STIM1: variants seen among roughly 807,000 people sequenced by gnomAD.
The protein encoded by STIM1 is stromal interaction molecule 1.
In STIM1, 25 loss-of-function variants were observed where a neutral mutation model predicts 74.7. The ratio of observed to expected loss-of-function variants is 0.33; its 90% confidence interval spans 0.24 to 0.47. The LOEUF is 0.47. Ranked by LOEUF, STIM1 falls within the 20% of genes least tolerant of loss-of-function variation. The pLI is 1.00. For synonymous variants in STIM1, 328 were observed against 348.8 expected, an observed-to-expected ratio of 0.94 and a Z score of 0.66; for missense variants, 728 against 920.8, an observed-to-expected ratio of 0.79 and a Z score of 2.71.
intron 1 of STIM1, among the ~76,000 whole-genome samples, chr11:3,881,519 C>T (rs185375941): frequency 6.7e-4 from 102 of 151,850 alleles, no homozygotes; most frequent in Non-Finnish European, 1.2e-3. Flanking sequence ...TACAGGTGCC[C>T]GCCACAGCAC....
chr11:3,970,994 A>G (rs1407070280), intron 2 of STIM1, among the ~76,000 whole-genome samples: 1 of 152,210 alleles, frequency 6.6e-6, no homozygotes, highest in African/African-American at 2.4e-5. Flanking sequence ...CCAGAGTAAA[A>G]TGGGTCACAA....
chr11:3,869,530 C>G (rs555134232), intron 1 of STIM1, among the ~76,000 whole-genome samples: 69 of 152,098 alleles, frequency 4.5e-4, no homozygotes, highest in African/African-American at 2.7e-4. Flanking sequence ...GGGAAGTATT[C>G]CAGTCATAGG....
intron 1 of STIM1, among the ~76,000 whole-genome samples, chr11:3,936,569 G>A (rs537664305): frequency 5.3e-5 from 8 of 152,264 alleles, no homozygotes; most frequent in African/African-American, 1.9e-4. Flanking sequence ...GTATGATATA[G>A]TATCTGAAAA....
chr11:4,050,278 AG>A (rs1194082650), intron 3 of STIM1, among the ~76,000 whole-genome samples: 2 of 152,214 alleles, frequency 1.3e-5, no homozygotes, highest in East Asian at 3.8e-4. Context: ...ATTAGCTGAG[AG>A]CAAGGGAGGA....
intron 2 of STIM1, among the ~76,000 whole-genome samples, chr11:3,979,036 G>T (rs192320689): frequency 1.8e-3 from 277 of 152,288 alleles, no homozygotes; most frequent in Admixed American, 3.7e-3. Context: ...CAGTCAGCAG[G>T]TTCACTTGCA....
intron 1 of STIM1, among the ~76,000 whole-genome samples, chr11:3,872,891 C>G (rs1217377971): frequency 6.6e-6 from 1 of 151,856 alleles, no homozygotes; most frequent in Non-Finnish European, 1.5e-5. Flanking sequence ...CTCAAAGTCA[C>G]TTCCATTTCT....
intron 10 of STIM1, 61 bp downstream of exon 10, chr11:4,083,559 G>A (rs1565171184): frequency 2.6e-6 from 4 of 1,509,518 alleles, no homozygotes; most frequent in Middle Eastern, 3.4e-4. Context: ...TGAGAAGTCT[G>A]TGGCCTCTGT....
chr11:3,955,759 T>A (rs1470610093), intron 1 of STIM1, among the ~76,000 whole-genome samples: 5 of 152,020 alleles, frequency 3.3e-5, no homozygotes, highest in Admixed American at 6.5e-5. Context: ...GGCCTGGGCA[T>A]CAGCAATTTA....
intron 1 of STIM1, among the ~76,000 whole-genome samples, chr11:3,875,649 C>CT (rs982113316): frequency 5.3e-5 from 8 of 151,394 alleles, no homozygotes; most frequent in Non-Finnish European, 1.2e-4. Context: ...TTGCTTGAGC[C>CT]TGGGAGGCCG....
At chr11:3,923,308 A>G (rs1422314081) in intron 1 of STIM1, among the ~76,000 whole-genome samples, 2 of 151,986 alleles carry the variant, frequency 1.3e-5, no homozygotes, top group African/African-American at 4.8e-5. Context: ...AACACCATTT[A>G]TTGAAAAGAT....
chr11:3,982,474 A>G (rs114205170), intron 2 of STIM1, among the ~76,000 whole-genome samples: 2,422 of 152,276 alleles, frequency 0.016, 70 homozygotes, highest in African/African-American at 0.056. Context: ...TAGTAGCAGT[A>G]TTTCTACTTC....
At chr11:3,908,070 AC>A (rs1444103629) in intron 1 of STIM1, among the ~76,000 whole-genome samples, 1 of 152,048 alleles carries the variant, frequency 6.6e-6, no homozygotes, top group Non-Finnish European at 1.5e-5. Flanking sequence ...CAGGCCTTTC[AC>A]CTTGCACCCC....
chr11:3,878,764 T>C (rs985257246), intron 1 of STIM1, among the ~76,000 whole-genome samples: 1 of 152,288 alleles, frequency 6.6e-6, no homozygotes, highest in South Asian at 2.1e-4. Context: ...ATGCTTGCTG[T>C]AAAATCTAGC....
intron 2 of STIM1, among the ~76,000 whole-genome samples, chr11:3,999,014 T>C (rs546162207): frequency 5.9e-4 from 90 of 152,316 alleles, no homozygotes; most frequent in African/African-American, 2.0e-3. Context: ...ACAGAAAATA[T>C]ACATCAATGC....
At chr11:4,076,794 T>C in intron 7 of STIM1, among the ~76,000 whole-genome samples, 1 of 150,824 alleles carries the variant, frequency 6.6e-6, no homozygotes, top group East Asian at 2.0e-4. Flanking sequence ...TGGGACATGG[T>C]TATCTAGTAT....
At chr11:4,020,348 A>G (rs2093944344) in intron 2 of STIM1, among the ~76,000 whole-genome samples, 1 of 151,918 alleles carries the variant, frequency 6.6e-6, no homozygotes, top group African/African-American at 2.4e-5. Flanking sequence ...TGGTAGTTCT[A>G]TTTTTCATGT....
intron 5 of STIM1, among the ~76,000 whole-genome samples, chr11:4,063,455 C>T (rs938961470): frequency 1.3e-5 from 2 of 152,166 alleles, no homozygotes; most frequent in Non-Finnish European, 1.5e-5. Flanking sequence ...GTCTCTGTGT[C>T]GGAATTTTTA....
intron 2 of STIM1, 77 bp from the exon 3 acceptor site, chr11:4,023,796 G>A (rs1422675208): frequency 9.7e-7 from 1 of 1,025,952 alleles, no homozygotes; most frequent in Non-Finnish European, 1.5e-6. Flanking sequence ...GCTAGCTAGA[G>A]GCAGGTGACC....
intron 2 of STIM1, among the ~76,000 whole-genome samples, chr11:3,998,701 T>C (rs558127630): frequency 1.3e-4 from 20 of 152,200 alleles, no homozygotes; most frequent in African/African-American, 4.8e-4. Flanking sequence ...CCCTGAGAAC[T>C]AAGGGAACAA....
Sources: gnomAD v4.1 joint callset for allele counts (sites outside exome capture counted in the v4.1 genomes callset) on GRCh38, gnomAD v4.1.1 for gene constraint, MANE v1.5 for transcripts, NCBI Gene and HGNC (gene_info 2026-07-23, HGNC 2026-07-21) for gene names.